The following TMEM120B variants were observed in gnomAD, a reference collection of about 807,000 sequenced individuals.
TMEM120B encodes transmembrane protein 120B.
TMEM120B carries 31 observed loss-of-function variants against 55.5 expected under a neutral mutation model. That is an observed-to-expected ratio of 0.56 (90% confidence interval 0.42 to 0.75). The LOEUF (loss-of-function observed/expected upper bound fraction) is 0.75. Ranked by LOEUF, TMEM120B falls within the 30% of genes least tolerant of loss-of-function variation. The probability of loss-of-function intolerance (pLI) is 0.00; values close to 1 mark genes in which losing one functional copy is unlikely to be tolerated. For missense variants in TMEM120B, 399 were observed against 425.5 expected (o/e 0.94, Z 0.55); for synonymous variants, 203 against 176.3 (o/e 1.15, Z -1.20).
chr12:121,728,488 C>CAAA (rs745979690), intron 1 of TMEM120B, among the ~76,000 whole-genome samples: 4 of 102,662 alleles, frequency 3.9e-5, no homozygotes, highest in South Asian at 3.3e-4. Context: ...GACTCCGTCT[C>CAAA]AAAAAAAAAA....
chr12:121,772,088 TC>T (rs35868126), intron 8 of TMEM120B, among the ~76,000 whole-genome samples: 1 of 92,074 alleles, frequency 1.1e-5, no homozygotes, highest in African/African-American at 5.2e-5. Flanking sequence ...TTTCTCTTTC[TC>T]TCTCTCTCTC....
intron 1 of TMEM120B, among the ~76,000 whole-genome samples, chr12:121,742,444 AT>A (rs991506934): frequency 1.6e-4 from 24 of 152,326 alleles, no homozygotes; most frequent in South Asian, 4.1e-4. Context: ...AACAAAAAAA[AT>A]CACTTTAAAT....
At chr12:121,728,119 G>T (rs1385368033) in intron 1 of TMEM120B, among the ~76,000 whole-genome samples, 8 of 151,442 alleles carry the variant, frequency 5.3e-5, no homozygotes, top group Non-Finnish European at 8.8e-5. Flanking sequence ...GTGATTCTCC[G>T]GCCTCAGCCT....
intron 1 of TMEM120B, among the ~76,000 whole-genome samples, chr12:121,724,425 G>A (rs1287516932): frequency 2.0e-5 from 3 of 151,984 alleles, no homozygotes; most frequent in Admixed American, 6.6e-5. Context: ...TGATCCACCC[G>A]CCTTGGCCTC....
At chr12:121,741,878 G>A (rs977373046) in intron 1 of TMEM120B, among the ~76,000 whole-genome samples, 3 of 152,106 alleles carry the variant, frequency 2.0e-5, no homozygotes, top group Admixed American at 1.3e-4. Flanking sequence ...AAGGAGAGAA[G>A]GGAGTCACCC....
In TMEM120B at chr12:121,780,947, C is replaced by G; in HGVS notation, c.*5225C>G. The stretch of plus-strand genomic sequence containing the variant: ...GCTCCTTGTCCTTCCTCAGGTCTGT[C>G]TTGCAGCCGATGAGCACCATGGGGA... On this transcript the variant is annotated 3_prime_UTR_variant, in exon 12 of 12. Transcript: ENST00000449592. The G allele has an allele frequency of 1.2e-6, 2 of 1,614,056 alleles. No homozygotes were observed. Among genetic ancestry groups the G allele is most frequent in the Non-Finnish European group, 1.7e-6 (2 of 1,179,980 alleles).
chr12:121,740,283 G>A (rs937708443), intron 1 of TMEM120B, among the ~76,000 whole-genome samples: 4 of 151,954 alleles, frequency 2.6e-5, no homozygotes, highest in East Asian at 1.9e-4. Context: ...TTGGGAGTTC[G>A]AGACCAGCCT....
intron 1 of TMEM120B, among the ~76,000 whole-genome samples, chr12:121,713,787 G>C (rs1894644993): frequency 6.6e-6 from 1 of 152,196 alleles, no homozygotes; most frequent in Admixed American, 6.5e-5. Context: ...CCTTGGGGTT[G>C]ACCAAGAGGG....
At chr12:121,721,530 G>A (rs1156770577) in intron 1 of TMEM120B, among the ~76,000 whole-genome samples, 1 of 151,316 alleles carries the variant, frequency 6.6e-6, no homozygotes, top group Non-Finnish European at 1.5e-5. Flanking sequence ...GGAGTGCAGT[G>A]GTGCCATCTT....
intron 1 of TMEM120B, among the ~76,000 whole-genome samples, chr12:121,731,793 T>C (rs909890866): frequency 6.6e-6 from 1 of 152,218 alleles, no homozygotes; most frequent in African/African-American, 2.4e-5. Flanking sequence ...ATTTTGTGTA[T>C]TTTATCACAA....
chr12:121,758,059 C>A, intron 5 of TMEM120B: 2 of 569,640 alleles, frequency 3.5e-6, no homozygotes, highest in Non-Finnish European at 4.4e-6. Flanking sequence ...ATTAAGGCTA[C>A]AGTGGGCCAT....
At chr12:121,737,759 C>G (rs1422994356) in intron 1 of TMEM120B, among the ~76,000 whole-genome samples, 1 of 152,056 alleles carries the variant, frequency 6.6e-6, no homozygotes, top group East Asian at 1.9e-4. Context: ...TCTGTAACCC[C>G]AGCACTTTGG....
intron 1 of TMEM120B, among the ~76,000 whole-genome samples, chr12:121,722,759 G>A (rs1383190161): frequency 6.6e-6 from 1 of 152,072 alleles, no homozygotes; most frequent in Non-Finnish European, 1.5e-5. Flanking sequence ...TTCAGACAGG[G>A]CCCAAGCAAG....
intron 3 of TMEM120B, 132 bp downstream of exon 3, chr12:121,748,574 T>C (rs1200327503): frequency 1.6e-6 from 1 of 608,550 alleles, no homozygotes; most frequent in Non-Finnish European, 2.9e-6. Flanking sequence ...GCAGGAGAGA[T>C]AAGGAGCCTT....
chr12:121,765,428 C>T (rs914670604), intron 6 of TMEM120B, among the ~76,000 whole-genome samples: 1 of 152,078 alleles, frequency 6.6e-6, no homozygotes, highest in African/African-American at 2.4e-5. Flanking sequence ...CTGTGCCCAG[C>T]CCCGAGTTTT....
At chr12:121,715,212 A>G (rs571272228) in intron 1 of TMEM120B, among the ~76,000 whole-genome samples, 2 of 152,150 alleles carry the variant, frequency 1.3e-5, no homozygotes, top group African/African-American at 2.4e-5. Flanking sequence ...GCATGTACCT[A>G]TAATCCCAGA....
At position 121,776,147 on chromosome 12, in the gene TMEM120B, C is replaced by T. The variant is rs939137965; in HGVS notation, c.*425C>T. The T allele has an allele frequency of 2.4e-6, 1 of 409,020 alleles. No individual in the cohort carries two copies. The highest frequency in any genetic ancestry group is 2.1e-5 in the African/African-American group (1 of 48,512). The allele number at this position is 409,020 out of a possible 1,614,324, so 25.3% of individuals were successfully genotyped here. ...CCCAGGCTGGGGTGGTGTGAACCCT[C>T]AGTGTCCTGTGGCGCCCCCACCCCG... On this transcript the variant is annotated 3_prime_UTR_variant, in exon 12 of 12. Coordinates refer to ENST00000449592, the MANE Select transcript of TMEM120B (RefSeq NM_001080825.2).
rs56702857 is a variant in TMEM120B, at chr12:121,721,804, C to CTTTTTTTTT, written c.69+8854_69+8862dup. 4.2e-3 allele frequency among the ~76,000 whole-genome samples: 383 copies of CTTTTTTTTT among 91,816 alleles called. 17 individuals are homozygous for CTTTTTTTTT. The highest frequency in any genetic ancestry group is 6.1e-3 in the East Asian group (18 of 2,962). The allele number at this position is 91,816 out of a possible 152,430, so 60.2% of individuals were successfully genotyped here. On this transcript the variant is annotated intron_variant, in intron 1 of 11. Transcript: ENST00000449592. ...TTTTTTTTGAATGGAATCAGTTCTA[C>CTTTTTTTTT]TTTTTTTTTTTTTTTTTTTTTTGAG...
chr12:121,766,803 C>T (rs914950052), intron 6 of TMEM120B, among the ~76,000 whole-genome samples: 1 of 152,174 alleles, frequency 6.6e-6, no homozygotes, highest in Non-Finnish European at 1.5e-5. Context: ...ATGTCTATTA[C>T]AGTTAGTTCT....
Sources: allele counts gnomAD v4.1 joint callset (sites outside exome capture counted in the v4.1 genomes callset), GRCh38; gene constraint gnomAD v4.1.1; transcripts MANE v1.5; gene names NCBI Gene and HGNC (gene_info 2026-07-23, HGNC 2026-07-21).